Variants in C1S observed in about 807,000 individuals in gnomAD.
The protein encoded by C1S is complement C1s subcomponent.
In C1S, 31 loss-of-function variants were observed where a neutral mutation model predicts 54.0. That is an observed-to-expected ratio of 0.57 (90% CI 0.43 to 0.78). The LOEUF is 0.78. Among genes scored for constraint, C1S ranks in the 30% least tolerant of loss-of-function variants. The probability of loss-of-function intolerance (pLI) is 0.00; values close to 1 mark genes in which losing one functional copy is unlikely to be tolerated. For synonymous variants in C1S, 292 were observed against 303.6 expected (o/e 0.96, Z 0.40); for missense variants, 727 against 851.8 (o/e 0.85, Z 1.82).
Position 7,064,779 on chromosome 12 carries a change from CAAG to C in C1S, c.518-317_518-315del, listed in dbSNP as rs1315402296. Among the ~76,000 whole-genome samples the C allele has an allele frequency of 2.6e-5, 4 of 152,142 alleles. No individual in the cohort carries two copies. In the East Asian group the frequency reaches 7.7e-4, roughly 29 times the overall value. ...TTACTCATAAGCTGAGATGAAGCCA[CAAG>C]AAGGAGGAAGATAAGACTATAGGGT... On this transcript the variant is annotated intron_variant, in intron 5 of 11. Coordinates refer to ENST00000360817, the MANE Select transcript of C1S (RefSeq NM_001734.5).
intron 3 of C1S, 90 bp downstream of exon 3, chr12:7,062,772 C>T (rs1555161444): frequency 6.1e-6 from 9 of 1,476,174 alleles, no homozygotes; most frequent in Non-Finnish European, 9.4e-7. Flanking sequence ...CCTGTACTCA[C>T]AGTGAACTGG....
At chr12:7,066,171 A>G (rs1555162190) in intron 7 of C1S, 1 of 627,004 alleles carries the variant, frequency 1.6e-6, no homozygotes, top group African/African-American at 1.8e-5. Flanking sequence ...CCTTGTCTCT[A>G]AAACAAAACA....
chr12:7,064,054 G>C (rs782122201), intron 4 of C1S: 1 of 602,998 alleles, frequency 1.7e-6, no homozygotes, highest in East Asian at 3.5e-5. Context: ...ACACCCCCGA[G>C]CTTCCTTATA....
At chr12:7,064,129 G>T in intron 4 of C1S, 138 bp from the exon 5 acceptor site, 1 of 872,558 alleles carries the variant, frequency 1.1e-6, no homozygotes, top group Non-Finnish European at 1.9e-6. Flanking sequence ...AATAATAGTA[G>T]CCTGAAATGT....
At chr12:7,067,429 T>C in intron 9 of C1S, 1 of 712,260 alleles carries the variant, frequency 1.4e-6, no homozygotes, top group South Asian at 1.6e-5. Context: ...ACTACGGCTT[T>C]CATGGGGCCA....
intron 7 of C1S, 156 bp from the exon 8 acceptor site, chr12:7,066,362 C>A (rs1591578857): frequency 1.4e-6 from 1 of 696,876 alleles, no homozygotes; most frequent in Non-Finnish European, 2.6e-6. Context: ...GTTGGTAATG[C>A]CATATGATTT....
Position 7,065,908 on chromosome 12 carries a change from T to C in C1S, c.809T>C (p.Ile270Thr). The change falls in exon 7 of 12, where the codon ATC (isoleucine) becomes ACC (threonine). Residue 270 changes from isoleucine to threonine, a missense_variant. By Grantham distance (89) the Ile-to-Thr change is moderately conservative. This residue lies in a region of C1S where 357 missense variants were observed against 365.4 expected (regional missense o/e 0.98). Coordinates refer to ENST00000360817, the MANE Select transcript of C1S (RefSeq NM_001734.5). ...NIETKSNALD[I>T]IFQTDLTGQK... ...GAAACCAAGAGTAATGCTCTTGATA[T>C]CATCTTCCAAACTGATCTAACAGGG... 1.2e-6 allele frequency: 2 copies of C among 1,613,528 alleles called. No homozygotes were observed. The highest frequency in any genetic ancestry group is 1.7e-6 in the Non-Finnish European group (2 of 1,179,648).
intron 11 of C1S, among the ~76,000 whole-genome samples, chr12:7,069,476 G>C (rs782324693): frequency 1.3e-5 from 2 of 152,222 alleles, no homozygotes; most frequent in East Asian, 1.9e-4. Context: ...GTGAGAAAAG[G>C]GTTTCCAGCA....
In C1S at chr12:7,068,511, G is replaced by A. The variant is rs1591580867; in HGVS notation, c.1251G>A (p.Glu417=). The change falls in exon 11 of 12, where the codon GAG becomes GAA. Residue 417 remains glutamate (E), a synonymous_variant. Coordinates refer to ENST00000360817, the MANE Select transcript of C1S (RefSeq NM_001734.5). The stretch of plus-strand genomic sequence containing the variant: ...GGGTGAATGAGGTGCTGGGCCCGGA[G>A]CTGCCGAAATGTGTTCCAGGTAAGG... ...GSWVNEVLGP[E]LPKCVPVCGV... 1 of 1,613,710 alleles carries A rather than the reference G, an allele frequency of 6.2e-7. No individual in the cohort carries two copies. Among genetic ancestry groups the A allele is most frequent in the South Asian group, 1.1e-5 (1 of 91,060 alleles).
intron 11 of C1S, 59 bp from the exon 12 acceptor site, chr12:7,069,795 AT>A: frequency 7.2e-7 from 1 of 1,387,716 alleles, no homozygotes; most frequent in East Asian, 2.3e-5. Context: ...TGGTTGGAGG[AT>A]TTGCAGGAAG....
In C1S at chr12:7,062,577, A is replaced by G. The variant is rs782389811; in HGVS notation, c.108A>G (p.Val36=). 6.2e-7 allele frequency: 1 copy of G among 1,613,218 alleles called. No homozygotes were observed. Among genetic ancestry groups the G allele is most frequent in the Admixed American group, 1.7e-5 (1 of 60,028 alleles). ...PNYPQAYPSE[V]EKSWDIEVPE... Reference sequence around the variant, plus strand: ...ATCCTCAGGCATATCCCAGTGAGGTAGAGAAATCTTGGGACATAGAAGTTC... The same window carrying G: ...ATCCTCAGGCATATCCCAGTGAGGTGGAGAAATCTTGGGACATAGAAGTTC... The change falls in exon 3 of 12, where the codon GTA becomes GTG. Residue 36 remains valine (V), a synonymous_variant. Coordinates refer to ENST00000360817, the MANE Select transcript of C1S (RefSeq NM_001734.5).
At chr12:7,066,278 G>C in intron 7 of C1S, 1 of 618,634 alleles carries the variant, frequency 1.6e-6, no homozygotes, top group South Asian at 1.9e-5. Context: ...ACCAGTCAAC[G>C]GTTGCTAGAA....
Position 7,070,721 on chromosome 12 carries a change from C to A in C1S, c.*70C>A. ...ATTACCTTCTGTTCCTTATGATATT[C>A]TCATTATTTCATCATGACTGAAAGA... On this transcript the variant is annotated 3_prime_UTR_variant, in exon 12 of 12. Coordinates refer to ENST00000360817, the MANE Select transcript of C1S (RefSeq NM_001734.5). The surrounding 1 kb of genome is among the most constrained non-coding windows in gnomAD (Gnocchi z 4.9). The A allele has an allele frequency of 8.3e-7, 1 of 1,207,472 alleles. No homozygotes were observed. The highest frequency in any genetic ancestry group is 1.2e-6 in the Non-Finnish European group (1 of 814,082). The allele number at this position is 1,207,472 out of a possible 1,614,324, so 74.8% of individuals were successfully genotyped here.
chr12:7,065,184 G>T lies in C1S; in HGVS notation c.602G>T (p.Arg201Met). Residue 201 changes from arginine (R) to methionine (M), a missense_variant, in exon 6 of 12, where the codon AGG (arginine) becomes ATG (methionine). By Grantham distance (91) the Arg-to-Met change is moderately conservative. Transcript: ENST00000360817. ...CCCAAACCATATCCAGAGAACTCAA[G>T]GTGTGAATACCAGATCCGGTTGGAG... ...NYPKPYPENS[R>M]CEYQIRLEKG... is the part of the protein sequence containing the mutation. 6.2e-7 allele frequency: 1 copy of T among 1,614,048 alleles called. No individual in the cohort carries two copies. Among genetic ancestry groups the T allele is most frequent in the Non-Finnish European group, 8.5e-7 (1 of 1,179,926 alleles).
Position 7,065,156 on chromosome 12 carries a change from T to G in C1S, c.574T>G (p.Tyr192Asp), listed in dbSNP as rs1337626220. 1 of 1,614,018 alleles carries G rather than the reference T, an allele frequency of 6.2e-7. No homozygotes were observed. Among genetic ancestry groups the G allele is most frequent in the East Asian group, 2.2e-5 (1 of 44,890 alleles). The change falls in exon 6 of 12, where the codon TAT becomes GAT. Residue 192 changes from tyrosine to aspartate, a missense_variant. By Grantham distance (160) the Tyr-to-Asp change is radical (BLOSUM62 -3). Around this residue, in one of 3 missense-constraint regions of C1S, gnomAD observed 357 missense variants for 365.4 expected, o/e 0.98. Coordinates refer to ENST00000360817, the MANE Select transcript of C1S (RefSeq NM_001734.5). Reference protein sequence around the residue: ...ALIGEIASPNYPKPYPENSRC... With the variant: ...ALIGEIASPNDPKPYPENSRC... ...GATTGGGGAGATTGCAAGTCCCAAT[T>G]ATCCCAAACCATATCCAGAGAACTC... is the stretch of plus-strand genomic sequence containing the variant.
At chr12:7,064,495 T>G in intron 5 of C1S, 103 bp downstream of exon 5, 1 of 1,098,986 alleles carries the variant, frequency 9.1e-7, no homozygotes, top group Non-Finnish European at 1.3e-6. Context: ...AGGCCAAGCC[T>G]TCATTTGGCA....
At chr12:7,066,222 G>T (rs1555162195) in intron 7 of C1S, 1 of 608,930 alleles carries the variant, frequency 1.6e-6, no homozygotes, top group Non-Finnish European at 2.9e-6. Flanking sequence ...ATAGATTGTT[G>T]TTCTGATAGA....
intron 4 of C1S, chr12:7,063,502 C>G (rs1049441979): frequency 2.8e-6 from 1 of 361,984 alleles, no homozygotes; most frequent in East Asian, 7.5e-5. Flanking sequence ...GGCATTCAAA[C>G]CTTCAAATTC....
intron 10 of C1S, among the ~76,000 whole-genome samples, chr12:7,068,170 C>T (rs1937727299): frequency 6.6e-6 from 1 of 152,176 alleles, no homozygotes; most frequent in Non-Finnish European, 1.5e-5. Flanking sequence ...CTGAATGAGA[C>T]CCTAATACGT....
Sources: allele counts gnomAD v4.1 joint callset (sites outside exome capture counted in the v4.1 genomes callset), GRCh38; gene constraint gnomAD v4.1.1; regional missense constraint gnomAD v4.1.1; non-coding constraint Gnocchi (gnomAD v3.1); transcripts MANE v1.5; gene names NCBI Gene and HGNC (gene_info 2026-07-23, HGNC 2026-07-21).